The following INPP4B variants were observed in gnomAD, a reference collection of about 807,000 sequenced individuals.
INPP4B encodes the protein inositol polyphosphate 4-phosphatase type II.
A neutral mutation model predicts 122.5 loss-of-function variants in INPP4B; 55 were observed. The observed-to-expected ratio is 0.45, with a 90% CI of 0.36 to 0.56. The LOEUF (loss-of-function observed/expected upper bound fraction) is 0.56, where lower values mean the gene tolerates loss of function less well. Ranked by LOEUF, INPP4B falls within the 20% of genes least tolerant of loss-of-function variation. The pLI is 0.00. For missense variants in INPP4B, 1,000 were observed against 1,097.7 expected (o/e 0.91, Z 1.26); for synonymous variants, 403 against 388.7 (o/e 1.04, Z -0.43).
chr4:142,031,163 A>ATAAT (rs1167785144), intron 25 of INPP4B, among the ~76,000 whole-genome samples: 1 of 152,228 alleles, frequency 6.6e-6, no homozygotes, highest in South Asian at 2.1e-4. Context: ...TGAAAATAAA[A>ATAAT]TAATTATGCT....
intron 7 of INPP4B, among the ~76,000 whole-genome samples, chr4:142,329,445 C>T (rs1380962119): frequency 6.6e-6 from 1 of 152,150 alleles, no homozygotes; most frequent in African/African-American, 2.4e-5. Context: ...GTTTATGTTA[C>T]AATTACAATG....
chr4:142,762,752 A>G (rs1445200272), intron 1 of INPP4B, among the ~76,000 whole-genome samples: 2 of 152,230 alleles, frequency 1.3e-5, no homozygotes, highest in Non-Finnish European at 2.9e-5. Context: ...AAACCATATC[A>G]GAACAAGAAT....
At chr4:142,297,373 C>T (rs1169450128) in intron 9 of INPP4B, among the ~76,000 whole-genome samples, 2 of 152,132 alleles carry the variant, frequency 1.3e-5, no homozygotes, top group East Asian at 1.9e-4. Flanking sequence ...TTTGGATGTC[C>T]GCTCCAAATC....
chr4:142,712,844 A>G (rs1372919826), intron 2 of INPP4B, among the ~76,000 whole-genome samples: 1 of 152,238 alleles, frequency 6.6e-6, no homozygotes, highest in Non-Finnish European at 1.5e-5. Context: ...TCACAAAATT[A>G]CAATAACTCT....
chr4:142,763,185 T>C (rs1771599169), intron 1 of INPP4B, among the ~76,000 whole-genome samples: 1 of 152,216 alleles, frequency 6.6e-6, no homozygotes, highest in Non-Finnish European at 1.5e-5. Context: ...TTCTACTCAC[T>C]TGCGACTACA....
chr4:142,338,698 A>T (rs974778135), intron 7 of INPP4B, among the ~76,000 whole-genome samples: 1 of 152,122 alleles, frequency 6.6e-6, no homozygotes, highest in Non-Finnish European at 1.5e-5. Context: ...TGCTATCTAT[A>T]TATTTTTATC....
rs147012732 is a variant in INPP4B at position 142,640,587 on chromosome 4, T to G, written c.-191+85252A>C. On this transcript the variant is annotated intron_variant, in intron 2 of 25. Coordinates refer to ENST00000262992, the MANE Select transcript of INPP4B (RefSeq NM_001101669.3). ...AAGGGAAAAATTCCTTACAAGAATT[T>G]AAAAAGCACCAAACATAAAGAAATT... Among the ~76,000 whole-genome samples, 12 of 152,088 alleles carry G rather than the reference T, an allele frequency of 7.9e-5. No individual in the cohort carries two copies. The East Asian group carries it at 2.3e-3, about 29-fold the overall frequency.
chr4:142,717,907 CAAAAA>C (rs33932611), intron 2 of INPP4B, among the ~76,000 whole-genome samples: 1 of 58,548 alleles, frequency 1.7e-5, no homozygotes, highest in Non-Finnish European at 4.1e-5. Context: ...AAAAAGAAAG[CAAAAA>C]AAAAAAAAAA....
chr4:142,569,892 A>C (rs2150155325), intron 2 of INPP4B, among the ~76,000 whole-genome samples: 1 of 152,178 alleles, frequency 6.6e-6, no homozygotes, highest in African/African-American at 2.4e-5. Context: ...CTCATACATA[A>C]ATTTTCTGTG....
chr4:142,403,102 T>C, intron 6 of INPP4B, 48 bp from the exon 7 acceptor site: 1 of 999,552 alleles, frequency 1.0e-6, no homozygotes. Context: ...GCAGCAACTG[T>C]AGTTGGCAGC....
chr4:142,130,940 C>G (rs1426641544), intron 18 of INPP4B, among the ~76,000 whole-genome samples: 1 of 152,230 alleles, frequency 6.6e-6, no homozygotes, highest in Non-Finnish European at 1.5e-5. Context: ...AATGCAACAA[C>G]TGATATCCTG....
intron 17 of INPP4B, among the ~76,000 whole-genome samples, chr4:142,158,726 A>G (rs2152898819): frequency 6.6e-6 from 1 of 152,032 alleles, no homozygotes; most frequent in African/African-American, 2.4e-5. Flanking sequence ...TACTTAATAA[A>G]AGGTTTCAAA....
intron 25 of INPP4B, among the ~76,000 whole-genome samples, chr4:142,081,356 G>A (rs1773815388): frequency 6.6e-6 from 1 of 152,146 alleles, no homozygotes; most frequent in Admixed American, 6.6e-5. Flanking sequence ...TGTGAATGAA[G>A]CACTTTTTCC....
chr4:142,830,850 CAAAAAAAAA>C lies in INPP4B; in HGVS notation c.-254+15350_-254+15358del, dbSNP rs70949194. On this transcript the variant is annotated intron_variant, in intron 1 of 25. Transcript: ENST00000262992. ...ACAACATAGCAAAACGCTGTCTCTA[CAAAAAAAAA>C]AAAAAAAAAAAAATTATCCAGGTGT... Among the ~76,000 whole-genome samples, 9 of 91,450 alleles carry C rather than the reference CAAAAAAAAA, an allele frequency of 9.8e-5. 1 individual carries two copies. The highest frequency in any genetic ancestry group is 1.5e-4 in the African/African-American group (4 of 27,080). The allele number at this position is 91,450 out of a possible 152,430, so 60.0% of individuals were successfully genotyped here. A position where few individuals can be genotyped will look rare whatever the true frequency, so the allele number is the denominator to read the frequency against.
At chr4:142,029,452 G>C in intron 25 of INPP4B, 6 of 986,046 alleles carry the variant, frequency 6.1e-6, no homozygotes, top group Non-Finnish European at 7.2e-6. Context: ...TAAAGGAAGA[G>C]TGCTTGTCCA....
At chr4:142,493,646 G>A (rs1822159366) in intron 2 of INPP4B, among the ~76,000 whole-genome samples, 1 of 152,148 alleles carries the variant, frequency 6.6e-6, no homozygotes, top group South Asian at 2.1e-4. Flanking sequence ...CCTTTGAAAG[G>A]TCTGTATTTA....
chr4:142,781,544 C>T (rs1774822452), intron 1 of INPP4B, among the ~76,000 whole-genome samples: 1 of 151,836 alleles, frequency 6.6e-6, no homozygotes, highest in Non-Finnish European at 1.5e-5. Context: ...TTACTGGCAT[C>T]GATAATATAA....
At chr4:142,088,045 CTA>C in intron 23 of INPP4B, among the ~76,000 whole-genome samples, 1 of 152,216 alleles carries the variant, frequency 6.6e-6, no homozygotes, top group East Asian at 1.9e-4. Context: ...CATATCTTTA[CTA>C]TATAACTACA....
At chr4:142,329,619 C>T (rs1773722715) in intron 7 of INPP4B, among the ~76,000 whole-genome samples, 1 of 152,136 alleles carries the variant, frequency 6.6e-6, no homozygotes, top group Admixed American at 6.5e-5. Context: ...CATTCCTCTA[C>T]TTTTTCCTAG....
Sources: gnomAD v4.1 joint callset for allele counts (sites outside exome capture counted in the v4.1 genomes callset) on GRCh38, gnomAD v4.1.1 for gene constraint, MANE v1.5 for transcripts, NCBI Gene and HGNC (gene_info 2026-07-23, HGNC 2026-07-21) for gene names.